Variants in RNPS1 observed in about 807,000 individuals in gnomAD.
RNPS1 encodes RNA binding protein with serine rich domain 1.
For missense variants in RNPS1, 300 were observed against 427.6 expected, an observed-to-expected ratio of 0.70 and a Z score of 2.63; for synonymous variants, 147 against 150.0, an observed-to-expected ratio of 0.98 and a Z score of 0.15.
Position 2,254,008 on chromosome 16 carries a change from G to A in RNPS1, c.874C>T (p.Arg292Cys), listed in dbSNP as rs1367640390. Reference protein sequence around the residue: ...PVRRRSRSPGRRRHRSRSSSN... With the variant: ...PVRRRSRSPGCRRHRSRSSSN... ...CTGGAGCGGCTCCTGTGGCGGCGGC[G>A]GCCCGGGGACCGTGATCTCCGGCGC... is the stretch of plus-strand genomic sequence containing the variant. Residue 292 changes from arginine to cysteine, a missense_variant, in exon 8 of 8, where the codon CGC becomes TGC. Arg to Cys is a radical substitution (Grantham distance 180). Transcript: ENST00000320225. 9.1e-6 allele frequency: 14 copies of A among 1,532,322 alleles called. No homozygotes were observed. The highest frequency in any genetic ancestry group is 2.8e-5 in the African/African-American group (2 of 72,276). The allele number at this position is 1,532,322 out of a possible 1,614,324, so 94.9% of individuals were successfully genotyped here. A position where few individuals can be genotyped will look rare whatever the true frequency, so the allele number is the denominator to read the frequency against.
At chr16:2,265,983 C>A (rs2093623618) in intron 1 of RNPS1, 1 of 374,696 alleles carries the variant, frequency 2.7e-6, no homozygotes, top group Non-Finnish European at 3.7e-6. Context: ...AAACAAATTA[C>A]TAATTAGTTA....
intron 6 of RNPS1, among the ~76,000 whole-genome samples, chr16:2,260,999 G>C (rs1242606653): frequency 1.3e-5 from 2 of 152,034 alleles, no homozygotes; most frequent in African/African-American, 4.8e-5. Flanking sequence ...GCATGGTGGT[G>C]GGCGCCTGTA....
chr16:2,266,851 T>C, intron 1 of RNPS1: 1 of 407,540 alleles, frequency 2.5e-6, no homozygotes, highest in Non-Finnish European at 3.3e-6. Flanking sequence ...CATAAACATC[T>C]AATAAAAGTT....
At chr16:2,265,746 G>T (rs546605059) in intron 1 of RNPS1, 1 of 152,292 alleles carries the variant, frequency 6.6e-6, no homozygotes, top group East Asian at 1.9e-4. Flanking sequence ...GCCTCCCAAA[G>T]TGCTGGGATT....
chr16:2,255,774 C>A, intron 6 of RNPS1, 48 bp from the exon 7 acceptor site: 2 of 1,583,158 alleles, frequency 1.3e-6, no homozygotes, highest in South Asian at 2.2e-5. Context: ...AGCATCTACC[C>A]TAGACAATGC....
At chr16:2,258,200 C>G (rs571269437) in intron 6 of RNPS1, 1 of 152,184 alleles carries the variant, frequency 6.6e-6, no homozygotes, top group Non-Finnish European at 1.5e-5. Context: ...TGGGAAACTT[C>G]TGGTTCTCAG....
In RNPS1 at chr16:2,263,141, C is replaced by T. The variant is rs755570968; in HGVS notation, c.374G>A (p.Ser125Asn). The T allele has an allele frequency of 1.2e-6, 2 of 1,613,638 alleles. No homozygotes were observed. The highest frequency in any genetic ancestry group is 2.2e-5 in the South Asian group (2 of 91,062). The change falls in exon 4 of 8, where the codon AGT (serine) becomes AAT (asparagine). Residue 125 changes from serine to asparagine, a missense_variant. Ser to Asn is a conservative substitution (Grantham distance 46). Coordinates refer to ENST00000320225, the MANE Select transcript of RNPS1 (RefSeq NM_080594.4). ...GTTGTCGTGTCTGCGCCGAGAAGGACTTGGAGAGCCAGAAGAGCTGCTAGA... is the reference window on the plus strand; with the variant it reads ...GTTGTCGTGTCTGCGCCGAGAAGGATTTGGAGAGCCAGAAGAGCTGCTAGA... ...SSSSSSSGSP[S>N]PSRRRHDNRR...
intron 3 of RNPS1, 162 bp downstream of exon 3, chr16:2,264,014 G>A: frequency 2.4e-6 from 2 of 821,964 alleles, no homozygotes; most frequent in Non-Finnish European, 3.7e-6. Flanking sequence ...ATAGGCATGA[G>A]CCACCACTGC....
chr16:2,266,141 C>T, intron 1 of RNPS1: 2 of 985,420 alleles, frequency 2.0e-6, no homozygotes, highest in Non-Finnish European at 2.4e-6. Context: ...AAGGAGGACA[C>T]AGCACACCAA....
rs546291453 is a variant in RNPS1 at position 2,257,605 on chromosome 16, G to A, written c.677-1879C>T. ...AATCACGCCCACCCAGAAGGTACCC[G>A]GGTCCCCTGGGTTTTTAGCTCAGCA... On this transcript the variant is annotated intron_variant, in intron 6 of 7. Transcript: ENST00000320225. 24 of 152,060 alleles carry A rather than the reference G, an allele frequency of 1.6e-4. No individual in the cohort carries two copies. In the East Asian group the frequency reaches 4.1e-3, roughly 26 times the overall value. The allele number at this position is 152,060 out of a possible 1,614,324, so 9.4% of individuals were successfully genotyped here. A position where few individuals can be genotyped will look rare whatever the true frequency, so the allele number is the denominator to read the frequency against.
intron 2 of RNPS1, 32 bp from the exon 3 acceptor site, chr16:2,264,363 G>A: frequency 1.2e-6 from 2 of 1,613,932 alleles, no homozygotes; most frequent in Non-Finnish European, 1.7e-6. Context: ...GAGATTGCGT[G>A]CTCCTCTGAC....
At chr16:2,267,845 C>G (rs1259082786) in intron 1 of RNPS1, 1 of 1,509,440 alleles carries the variant, frequency 6.6e-7, no homozygotes, top group African/African-American at 1.4e-5. Flanking sequence ...CTTCCGTCCG[C>G]AGCGGCCCCG....
intron 3 of RNPS1, chr16:2,263,818 C>CCT (rs2093613308): frequency 3.6e-6 from 1 of 279,676 alleles, no homozygotes; most frequent in African/African-American, 2.2e-5. Context: ...CTCAAGCCAT[C>CCT]CTCTTGCCTC....
chr16:2,262,849 G>C lies in RNPS1; in HGVS notation c.420-7C>G. 1 of 1,611,136 alleles carries C rather than the reference G, an allele frequency of 6.2e-7. No individual in the cohort carries two copies. Among genetic ancestry groups the C allele is most frequent in the Non-Finnish European group, 8.5e-7 (1 of 1,177,960 alleles). ...TCTTTTAGGTGGTTTGGATCTGATTGAGAAAACAAAACACCAGAAACAATT... is the reference window on the plus strand; with the variant it reads ...TCTTTTAGGTGGTTTGGATCTGATTCAGAAAACAAAACACCAGAAACAATT... On this transcript the variant is annotated splice_polypyrimidine_tract_variant and splice_region_variant and intron_variant, in intron 4 of 7. Coordinates refer to ENST00000320225, the MANE Select transcript of RNPS1 (RefSeq NM_080594.4).
rs997820316 is a variant in RNPS1, at chr16:2,253,745, T to A, written c.*219A>T. ...AGAAACCGGAAACGGATGAGCTTTC[T>A]AGCCAGAAAACCGGAGGGAATCTTG... On this transcript the variant is annotated 3_prime_UTR_variant, in exon 8 of 8. Coordinates refer to ENST00000320225, the MANE Select transcript of RNPS1 (RefSeq NM_080594.4). 10 of 664,524 alleles carry A rather than the reference T, an allele frequency of 1.5e-5. No homozygotes were observed. In the African/African-American group the frequency reaches 1.8e-4, roughly 12 times the overall value. The allele number at this position is 664,524 out of a possible 1,614,324, so 41.2% of individuals were successfully genotyped here. A position where few individuals can be genotyped will look rare whatever the true frequency, so the allele number is the denominator to read the frequency against.
At chr16:2,262,870 C>G in intron 4 of RNPS1, 28 bp from the exon 5 acceptor site, 1 of 1,586,504 alleles carries the variant, frequency 6.3e-7, no homozygotes. Context: ...ACACCAGAAA[C>G]AATTTCTGTC....
intron 6 of RNPS1, among the ~76,000 whole-genome samples, chr16:2,260,128 TTGTGTG>T (rs373510877): frequency 2.7e-5 from 4 of 150,730 alleles, no homozygotes; most frequent in Admixed American, 1.3e-4. Flanking sequence ...TGGAAACTAT[TTGTGTG>T]TGTGTGTGTA....
At chr16:2,264,906 A>T in intron 1 of RNPS1, 146 bp from the exon 2 acceptor site, 5 of 501,212 alleles carry the variant, frequency 1.0e-5, no homozygotes, top group South Asian at 6.1e-5. Context: ...ACATAGGGAC[A>T]GTCCCCATGT....
chr16:2,267,968 G>C (rs1200635713), intron 1 of RNPS1, 87 bp downstream of exon 1: 1 of 1,533,208 alleles, frequency 6.5e-7, no homozygotes, highest in African/African-American at 1.4e-5. Context: ...GCGGGGCTGA[G>C]GAGTGGACCG....
Sources: gnomAD v4.1 joint callset for allele counts (sites outside exome capture counted in the v4.1 genomes callset) on GRCh38, gnomAD v4.1.1 for gene constraint, MANE v1.5 for transcripts, NCBI Gene and HGNC (gene_info 2026-07-23, HGNC 2026-07-21) for gene names.